SRRM4: variants seen among roughly 807,000 people sequenced by gnomAD.
The protein encoded by SRRM4 is serine/arginine repetitive matrix protein 4.
In SRRM4, 33 loss-of-function variants were observed where a neutral mutation model predicts 68.9. The observed-to-expected ratio is 0.48, with a 90% CI of 0.36 to 0.64. SRRM4 has a LOEUF of 0.64. SRRM4 is among the 30% of genes least tolerant of loss of function. The pLI, the probability that SRRM4 is intolerant of heterozygous loss-of-function variation, is 0.00. For missense variants in SRRM4, 817 were observed against 827.1 expected, an observed-to-expected ratio of 0.99 and a Z score of 0.15; for synonymous variants, 318 against 318.8, an observed-to-expected ratio of 1.00 and a Z score of 0.03.
intron 2 of SRRM4, among the ~76,000 whole-genome samples, chr12:119,102,599 AC>A (rs1463856990): frequency 6.6e-6 from 1 of 152,224 alleles, no homozygotes; most frequent in Non-Finnish European, 1.5e-5. Flanking sequence ...AGTGCAAAAA[AC>A]AGCCATAGGC....
rs1954515971 is a variant in SRRM4 at position 119,161,829 on chromosome 12, G to A, written c.*5031G>A. ...AAACCTCATTTAGATGGAAATTAATGGAAGAATAAAATGCCTACACATGAA... is the reference window on the plus strand; with the variant it reads ...AAACCTCATTTAGATGGAAATTAATAGAAGAATAAAATGCCTACACATGAA... On this transcript the variant is annotated 3_prime_UTR_variant, in exon 13 of 13. Coordinates refer to ENST00000267260, the MANE Select transcript of SRRM4 (RefSeq NM_194286.4). 1 of 152,296 alleles carries A rather than the reference G, an allele frequency of 6.6e-6. No homozygotes were observed. The highest frequency in any genetic ancestry group is 1.9e-4 in the East Asian group (1 of 5,178). The allele number at this position is 152,296 out of a possible 1,614,324, so 9.4% of individuals were successfully genotyped here. A position where few individuals can be genotyped will look rare whatever the true frequency, so the allele number is the denominator to read the frequency against.
intron 1 of SRRM4, among the ~76,000 whole-genome samples, chr12:119,081,684 C>A (rs571074188): frequency 6.6e-6 from 1 of 152,340 alleles, no homozygotes; most frequent in East Asian, 1.9e-4. Context: ...AGGCAAGAAG[C>A]AGGGAGACCC....
intron 1 of SRRM4, among the ~76,000 whole-genome samples, chr12:119,080,118 T>C (rs989715433): frequency 6.6e-6 from 1 of 152,030 alleles, no homozygotes; most frequent in East Asian, 1.9e-4. Context: ...CCCCTAACCT[T>C]TGTTAGCTGG....
At chr12:119,085,299 T>G (rs1210713171) in intron 1 of SRRM4, among the ~76,000 whole-genome samples, 1 of 152,242 alleles carries the variant, frequency 6.6e-6, no homozygotes, top group Non-Finnish European at 1.5e-5. Flanking sequence ...GCAATAACCC[T>G]GTGAGGTAGG....
At chr12:119,109,901 C>G (rs1418359295) in intron 2 of SRRM4, among the ~76,000 whole-genome samples, 1 of 152,210 alleles carries the variant, frequency 6.6e-6, no homozygotes, top group Non-Finnish European at 1.5e-5. Context: ...AGAAGAGGCT[C>G]TCTGATTTTT....
intron 1 of SRRM4, among the ~76,000 whole-genome samples, chr12:119,023,681 T>C (rs759799877): frequency 6.6e-6 from 1 of 152,182 alleles, no homozygotes; most frequent in Non-Finnish European, 1.5e-5. Context: ...AGGAGAAAAC[T>C]CCAAATTCTT....
intron 1 of SRRM4, among the ~76,000 whole-genome samples, chr12:119,015,067 G>A (rs1007143766): frequency 6.6e-6 from 1 of 152,162 alleles, no homozygotes; most frequent in Non-Finnish European, 1.5e-5. Flanking sequence ...CAATGAAGCA[G>A]TCAAAATGAA....
At chr12:119,077,127 A>C (rs1053195181) in intron 1 of SRRM4, among the ~76,000 whole-genome samples, 8 of 152,150 alleles carry the variant, frequency 5.3e-5, no homozygotes, top group Non-Finnish European at 1.2e-4. Flanking sequence ...TTGAGTGATA[A>C]AGTCAAATGG....
chr12:118,987,545 T>A (rs1030897241), intron 1 of SRRM4, among the ~76,000 whole-genome samples: 1 of 152,254 alleles, frequency 6.6e-6, no homozygotes, highest in Non-Finnish European at 1.5e-5. Context: ...AAGTGTTTTA[T>A]TTTATTGGTT....
chr12:119,084,307 C>A lies in SRRM4; in HGVS notation c.132-17929C>A, dbSNP rs76633344. Among the ~76,000 whole-genome samples, 1,337 of 152,294 alleles carry A rather than the reference C, an allele frequency of 8.8e-3. 20 individuals carry two copies. Among genetic ancestry groups the A allele is most frequent in the African/African-American group, 0.03 (1,267 of 41,556 alleles). ...GCACCCTGGAACTGAGGAGCTACCT[C>A]TTCTGGAAGGTGAGAGGGGAAGGCA... On this transcript the variant is annotated intron_variant, in intron 1 of 12. Transcript: ENST00000267260.
intron 4 of SRRM4, among the ~76,000 whole-genome samples, chr12:119,119,364 C>T (rs1309946791): frequency 6.6e-6 from 1 of 151,906 alleles, no homozygotes; most frequent in Non-Finnish European, 1.5e-5. Flanking sequence ...CTCCAATTCT[C>T]ACATTCTAGT....
chr12:119,039,948 C>T (rs1953655360), intron 1 of SRRM4, among the ~76,000 whole-genome samples: 1 of 152,078 alleles, frequency 6.6e-6, no homozygotes, highest in African/African-American at 2.4e-5. Flanking sequence ...AAAGCCTGTC[C>T]CAACTATTTC....
intron 1 of SRRM4, among the ~76,000 whole-genome samples, chr12:118,992,552 G>A (rs1953323783): frequency 6.6e-6 from 1 of 152,190 alleles, no homozygotes; most frequent in South Asian, 2.1e-4. Context: ...AGGTGATTCT[G>A]GGACCCAACC....
In SRRM4 at chr12:118,981,674, G is replaced by A; in HGVS notation, c.-209G>A. ...CAGCCTGGAGCCGACCCAGAAGGGC[G>A]AAGAAAGCCCAGCGGACGAGCCTCC... On this transcript the variant is annotated 5_prime_UTR_variant, in exon 1 of 13. Transcript: ENST00000267260. 2 of 577,630 alleles carry A rather than the reference G, an allele frequency of 3.5e-6. No individual in the cohort carries two copies. The highest frequency in any genetic ancestry group is 6.0e-6 in the Non-Finnish European group (2 of 333,132). 35.8% of individuals were successfully genotyped at this position (577,630 alleles called of 1,614,324 possible).
intron 1 of SRRM4, among the ~76,000 whole-genome samples, chr12:119,006,918 G>A (rs1953419820): frequency 6.6e-6 from 1 of 152,252 alleles, no homozygotes; most frequent in Admixed American, 6.5e-5. Flanking sequence ...CATCTGGGCT[G>A]CTCCGAGCTG....
intron 1 of SRRM4, among the ~76,000 whole-genome samples, chr12:119,064,157 CCATTT>C (rs1342106301): frequency 6.6e-6 from 1 of 152,180 alleles, no homozygotes; most frequent in African/African-American, 2.4e-5. Flanking sequence ...GCTTCCTTGG[CCATTT>C]CATTTTGGCT....
At chr12:119,073,727 C>A (rs532567986) in intron 1 of SRRM4, among the ~76,000 whole-genome samples, 18 of 152,102 alleles carry the variant, frequency 1.2e-4, no homozygotes, top group Non-Finnish European at 2.4e-4. Flanking sequence ...CTCAAGCAAC[C>A]CTCCTACCTC....
chr12:119,052,363 A>G (rs1418609251), intron 1 of SRRM4, among the ~76,000 whole-genome samples: 1 of 152,148 alleles, frequency 6.6e-6, no homozygotes, highest in Non-Finnish European at 1.5e-5. Flanking sequence ...GGGTGTGTGG[A>G]TATGTCAACA....
At chr12:119,044,812 A>G (rs1953694672) in intron 1 of SRRM4, among the ~76,000 whole-genome samples, 1 of 152,176 alleles carries the variant, frequency 6.6e-6, no homozygotes, top group South Asian at 2.1e-4. Context: ...GAGACCCCCA[A>G]CAGAGTTGTA....
Sources: gnomAD v4.1 joint callset for allele counts (sites outside exome capture counted in the v4.1 genomes callset) on GRCh38, gnomAD v4.1.1 for gene constraint, MANE v1.5 for transcripts, NCBI Gene and HGNC (gene_info 2026-07-23, HGNC 2026-07-21) for gene names.